Variants in PRKN observed in about 807,000 individuals in gnomAD.
PRKN encodes E3 ubiquitin-protein ligase parkin.
A neutral mutation model predicts 59.5 loss-of-function variants in PRKN; 56 were observed. The ratio of observed to expected loss-of-function variants is 0.94; its 90% CI spans 0.76 to 1.18. PRKN has a LOEUF of 1.18. Ranked by LOEUF, PRKN falls within the 50% of genes most tolerant of loss-of-function variation. PRKN has a pLI of 0.00. For synonymous variants in PRKN, 250 were observed against 222.1 expected (o/e 1.13, Z -1.12); for missense variants, 657 against 596.4 (o/e 1.10, Z -1.06).
intron 2 of PRKN, among the ~76,000 whole-genome samples, chr6:162,329,128 C>A (rs562389280): frequency 5.9e-5 from 9 of 152,176 alleles, no homozygotes; most frequent in African/African-American, 2.2e-4. Flanking sequence ...TTATTGTAGA[C>A]AAAATAACTA....
At chr6:161,568,927 G>C (rs746473258) in intron 8 of PRKN, among the ~76,000 whole-genome samples, 1 of 151,134 alleles carries the variant, frequency 6.6e-6, no homozygotes. Context: ...TGTACAAAAG[G>C]CTGCCATGAA....
rs1481203791 is a variant in PRKN, at chr6:161,359,680, C to T, written c.1285+408G>A. Among the ~76,000 whole-genome samples the T allele has an allele frequency of 1.3e-5, 2 of 152,122 alleles. No individual in the cohort carries two copies. Reference sequence around the variant, plus strand: ...TTTAATTTTGAATAATGTTGCAAAGCTGGGGAAGGCTACAGACTGACGGCC... The same window carrying T: ...TTTAATTTTGAATAATGTTGCAAAGTTGGGGAAGGCTACAGACTGACGGCC... On this transcript the variant is annotated intron_variant, in intron 11 of 11. Coordinates refer to ENST00000366898, the MANE Select transcript of PRKN (RefSeq NM_004562.3). This position sits in a 1 kb window ranked among gnomAD's most constrained non-coding sequence, Gnocchi z 5.4.
rs947810880 is a variant in PRKN at position 162,390,323 on chromosome 6, A to C, written c.171+52987T>G. Among the ~76,000 whole-genome samples the C allele has an allele frequency of 1.5e-3, 225 of 148,472 alleles. 1 individual carries two copies. Among genetic ancestry groups the C allele is most frequent in the Non-Finnish European group, 1.8e-3 (124 of 67,502 alleles). On this transcript the variant is annotated intron_variant, in intron 2 of 11. Coordinates refer to ENST00000366898, the MANE Select transcript of PRKN (RefSeq NM_004562.3). ...TTTAGTTTTTTAAAGAAATCTTTCC[A>C]ATGATTCTGACTTTTTGGAGGGGAA...
intron 2 of PRKN, among the ~76,000 whole-genome samples, chr6:162,407,294 C>G (rs1399567999): frequency 2.0e-5 from 3 of 152,194 alleles, no homozygotes; most frequent in Non-Finnish European, 4.4e-5. Context: ...TGTTCACCAG[C>G]AGACCTCTGT....
intron 9 of PRKN, among the ~76,000 whole-genome samples, chr6:161,539,398 G>A (rs960767949): frequency 2.6e-5 from 4 of 152,064 alleles, no homozygotes; most frequent in African/African-American, 7.2e-5. Context: ...GTGGCCAGCC[G>A]GACCACCACC....
In PRKN at chr6:162,293,609, C is replaced by T. The variant is rs527362115; in HGVS notation, c.172-30844G>A. On this transcript the variant is annotated intron_variant, in intron 2 of 11. Coordinates refer to ENST00000366898, the MANE Select transcript of PRKN (RefSeq NM_004562.3). ...TCGAGTGCTCTTCCTCCACCTCAAG[C>T]CCGGTGGAAGCCAGGGGATGACTCA... Among the ~76,000 whole-genome samples the T allele has an allele frequency of 3.3e-4, 50 of 152,268 alleles. 1 individual carries two copies. Among genetic ancestry groups the T allele is most frequent in the Non-Finnish European group, 4.4e-4 (30 of 68,026 alleles).
At chr6:161,925,208 G>A (rs550748800) in intron 6 of PRKN, among the ~76,000 whole-genome samples, 1 of 152,104 alleles carries the variant, frequency 6.6e-6, no homozygotes, top group Non-Finnish European at 1.5e-5. Context: ...TTTATGATGG[G>A]CTAATATAAA....
At chr6:162,176,752 C>T (rs139608946) in intron 4 of PRKN, among the ~76,000 whole-genome samples, 3 of 152,130 alleles carry the variant, frequency 2.0e-5, no homozygotes, top group Admixed American at 6.5e-5. Flanking sequence ...AATATACATG[C>T]GACTCCCACA....
Position 161,405,336 on chromosome 6 carries a change from G to A in PRKN, c.1084-18459C>T, listed in dbSNP as rs549843748. Among the ~76,000 whole-genome samples the A allele has an allele frequency of 1.3e-5, 2 of 152,232 alleles. No individual in the cohort carries two copies. The highest frequency in any genetic ancestry group is 3.9e-4 in the East Asian group (2 of 5,168). Reference sequence around the variant, plus strand: ...CTCATGCCTGTAATCTCAGCACTTTGGGAGGCTGAGGCAGGTGGATCAATT... The same window carrying A: ...CTCATGCCTGTAATCTCAGCACTTTAGGAGGCTGAGGCAGGTGGATCAATT... On this transcript the variant is annotated intron_variant, in intron 9 of 11. Transcript: ENST00000366898. The surrounding 1 kb of genome is among the most constrained non-coding windows in gnomAD (Gnocchi z 5.1).
rs946228110 is a variant in PRKN, at chr6:162,332,400, T to C, written c.172-69635A>G. Among the ~76,000 whole-genome samples the C allele has an allele frequency of 4.6e-5, 7 of 152,202 alleles. No homozygotes were observed. The East Asian group carries it at 5.8e-4, about 13-fold the overall frequency. On this transcript the variant is annotated intron_variant, in intron 2 of 11. Transcript: ENST00000366898. ...GCGCCCCTCTCTCTCCTGAGCCCTGTAGGCATCCAGGTTTATACCTCCTGC... is the reference window on the plus strand; with the variant it reads ...GCGCCCCTCTCTCTCCTGAGCCCTGCAGGCATCCAGGTTTATACCTCCTGC...
At chr6:161,658,671 C>G (rs1284907305) in intron 7 of PRKN, among the ~76,000 whole-genome samples, 1 of 152,028 alleles carries the variant, frequency 6.6e-6, no homozygotes, top group Non-Finnish European at 1.5e-5. Context: ...TGAGTAGTTC[C>G]TCCAACTTTA....
intron 4 of PRKN, among the ~76,000 whole-genome samples, chr6:162,110,778 A>G (rs772977023): frequency 2.0e-5 from 3 of 152,164 alleles, no homozygotes; most frequent in South Asian, 2.1e-4. Flanking sequence ...CACAAACGCC[A>G]CCAGATGAGC....
intron 7 of PRKN, among the ~76,000 whole-genome samples, chr6:161,651,111 T>C (rs17575768): frequency 0.26 from 39,296 of 152,150 alleles, 5,284 homozygotes; most frequent in Middle Eastern, 0.38. Flanking sequence ...AATCTAATGC[T>C]TGTCTTTAAG....
At chr6:162,237,244 T>C (rs956237937) in intron 3 of PRKN, among the ~76,000 whole-genome samples, 4 of 152,120 alleles carry the variant, frequency 2.6e-5, no homozygotes, top group Non-Finnish European at 4.4e-5. Flanking sequence ...AATGTGATTA[T>C]TAGAAAACAA....
At chr6:161,455,307 G>T (rs879794376) in intron 9 of PRKN, among the ~76,000 whole-genome samples, 20 of 151,994 alleles carry the variant, frequency 1.3e-4, no homozygotes, top group African/African-American at 4.3e-4. Context: ...AAAGTGCTGG[G>T]ATTACAGATG....
chr6:162,011,664 G>A (rs930010143), intron 5 of PRKN, among the ~76,000 whole-genome samples: 15 of 149,028 alleles, frequency 1.0e-4, no homozygotes, highest in Admixed American at 1.4e-4. Context: ...CCTTGATAGC[G>A]GTGTTTGTTC....
intron 7 of PRKN, among the ~76,000 whole-genome samples, chr6:161,757,112 TATAAAAC>T (rs1350357148): frequency 6.6e-6 from 1 of 152,210 alleles, no homozygotes; most frequent in Non-Finnish European, 1.5e-5. Context: ...GATATCTTAA[TATAAAAC>T]ATAAAGCTTC....
intron 5 of PRKN, among the ~76,000 whole-genome samples, chr6:162,050,019 A>ATTAG (rs1777568426): frequency 6.6e-6 from 1 of 152,190 alleles, no homozygotes; most frequent in Admixed American, 6.5e-5. Context: ...CGTGTTACTA[A>ATTAG]GATCATACCA....
chr6:162,133,024 C>T (rs753120921), intron 4 of PRKN, among the ~76,000 whole-genome samples: 176 of 152,262 alleles, frequency 1.2e-3, no homozygotes, highest in Non-Finnish European at 2.2e-3. Context: ...GGAGAGATGG[C>T]CACAATCACA....
Sources: allele counts gnomAD v4.1 joint callset (sites outside exome capture counted in the v4.1 genomes callset), GRCh38; gene constraint gnomAD v4.1.1; non-coding constraint Gnocchi (gnomAD v3.1); transcripts MANE v1.5; gene names NCBI Gene and HGNC (gene_info 2026-07-23, HGNC 2026-07-21).